Variants in EIF2D observed in about 807,000 individuals in gnomAD.
The protein encoded by EIF2D is eukaryotic translation initiation factor 2D.
EIF2D carries 56 observed loss-of-function variants against 77.4 expected under a neutral mutation model. The observed-to-expected ratio is 0.72, with a 90% confidence interval of 0.58 to 0.90. The LOEUF (loss-of-function observed/expected upper bound fraction) is 0.90. Among genes scored for constraint, EIF2D ranks in the 40% least tolerant of loss-of-function variants. EIF2D has a pLI of 0.00. For synonymous variants in EIF2D, 230 were observed against 271.0 expected (o/e 0.85, Z 1.49); for missense variants, 574 against 706.5 (o/e 0.81, Z 2.13).
chr1:206,577,156 C>CT (rs1668686995), intron 4 of EIF2D, among the ~76,000 whole-genome samples: 2 of 152,088 alleles, frequency 1.3e-5, no homozygotes, highest in Admixed American at 6.6e-5. Context: ...CCAGTAGCTG[C>CT]TTTTGTGCCA....
At chr1:206,598,930 C>A in intron 11 of EIF2D, 73 bp downstream of exon 11, 1 of 1,445,880 alleles carries the variant, frequency 6.9e-7, no homozygotes, top group South Asian at 1.2e-5. Flanking sequence ...CCCAGACATC[C>A]TCCCCAAATG....
At chr1:206,591,600 A>G, downstream of EIF2D, 1 of 645,296 alleles carries the variant, frequency 1.5e-6, no homozygotes, top group Non-Finnish European at 2.7e-6. Context: ...TTCAAAAATT[A>G]GTACATTTTA....
rs782434296 is a variant in EIF2D, at chr1:206,593,788, G to A, written c.1515C>T (p.Thr505=). 69 of 1,597,742 alleles carry A rather than the reference G, an allele frequency of 4.3e-5. No homozygotes were observed. Among genetic ancestry groups the A allele is most frequent in the African/African-American group, 1.3e-4 (10 of 74,608 alleles). Residue 505 remains threonine (T), a synonymous_variant, in exon 14 of 15, where the codon ACC becomes ACT. Coordinates refer to ENST00000271764, the MANE Select transcript of EIF2D (RefSeq NM_006893.3). ...CATAGGCCTCCAAGTTCCGGACCAC[G>A]GTCACCTGGGGGGACAGTGGGGACA... ...LAQRASNKKV[T]VVRNLEAYGL...
intron 14 of EIF2D, 115 bp downstream of exon 14, chr1:206,593,504 A>AGT (rs1476375070): frequency 2.5e-6 from 1 of 404,984 alleles, no homozygotes; most frequent in East Asian, 4.2e-5. Flanking sequence ...AGAGAGAGAG[A>AGT]GAGAGTGTGT....
chr1:206,596,158 C>T (rs1166349932), intron 12 of EIF2D, among the ~76,000 whole-genome samples: 1 of 152,202 alleles, frequency 6.6e-6, no homozygotes, highest in Non-Finnish European at 1.5e-5. Flanking sequence ...CCCAGTCTGC[C>T]CTGTGGAGGC....
intron 12 of EIF2D, 75 bp from the exon 13 acceptor site, chr1:206,595,913 C>CAGTT (rs1472732684): frequency 1.3e-6 from 2 of 1,577,506 alleles, no homozygotes; most frequent in Non-Finnish European, 1.7e-6. Flanking sequence ...TACCAGCAGG[C>CAGTT]AGTTAGGTGT....
downstream of EIF2D, chr1:206,587,013 A>G (rs557794799): frequency 6.2e-7 from 1 of 1,611,522 alleles, no homozygotes; most frequent in South Asian, 1.1e-5. Flanking sequence ...GTGCATTCAG[A>G]TTTATTTGTA....
At chr1:206,612,073 A>G (rs1427949460) in intron 1 of EIF2D, among the ~76,000 whole-genome samples, 1 of 152,176 alleles carries the variant, frequency 6.6e-6, no homozygotes, top group African/African-American at 2.4e-5. Context: ...GTTTTCTTTT[A>G]AACTCACTAG....
At chr1:206,604,066 ATCAG>A (rs1670062613) in intron 5 of EIF2D, among the ~76,000 whole-genome samples, 1 of 152,242 alleles carries the variant, frequency 6.6e-6, no homozygotes, top group Non-Finnish European at 1.5e-5. Context: ...CTAGGAGAAC[ATCAG>A]TCATCAGCCC....
At chr1:206,607,855 A>G (rs925049536) in intron 4 of EIF2D, among the ~76,000 whole-genome samples, 4 of 152,190 alleles carry the variant, frequency 2.6e-5, no homozygotes, top group African/African-American at 4.8e-5. Flanking sequence ...TACTTTGCCA[A>G]TGTTAATTTC....
In EIF2D at chr1:206,592,606, G is replaced by A. The variant is rs1291870600; in HGVS notation, c.1685-761C>T. ...GGAGCTGCCAGAGAGAGCCTGGCAG[G>A]GAAGGCTGGGGTCAGGCTGGGAGGG... is the stretch of plus-strand genomic sequence containing the variant. On this transcript the variant is annotated intron_variant, in intron 14 of 14. Transcript: ENST00000271764. This position sits in a 1 kb window ranked among gnomAD's most constrained non-coding sequence, Gnocchi z 4.7. 6.6e-6 allele frequency among the ~76,000 whole-genome samples: 1 copy of A among 152,212 alleles called. No homozygotes were observed. Among genetic ancestry groups the A allele is most frequent in the Non-Finnish European group, 1.5e-5 (1 of 68,030 alleles).
intron 7 of EIF2D, chr1:206,600,521 C>G: frequency 2.0e-6 from 1 of 511,642 alleles, no homozygotes; most frequent in South Asian, 3.1e-5. Flanking sequence ...TTTCCATAGA[C>G]GTGGAATGTT....
intron 14 of EIF2D, 63 bp downstream of exon 14, chr1:206,593,556 A>T: frequency 9.3e-7 from 1 of 1,072,622 alleles, no homozygotes; most frequent in South Asian, 1.6e-5. Flanking sequence ...ATGCAAGTTG[A>T]GTTGGCAGGA....
chr1:206,593,116 A>AC (rs1669430295), intron 14 of EIF2D, among the ~76,000 whole-genome samples: 1 of 151,772 alleles, frequency 6.6e-6, no homozygotes, highest in Non-Finnish European at 1.5e-5. Context: ...GTTTCAAAAA[A>AC]AAAAAAACTT....
chr1:206,597,142 T>C lies in EIF2D; in HGVS notation c.1346A>G (p.Gln449Arg), dbSNP rs377303536. The C allele has an allele frequency of 1.9e-6, 3 of 1,614,012 alleles. No individual in the cohort carries two copies. Among genetic ancestry groups the C allele is most frequent in the Admixed American group, 3.3e-5 (2 of 60,004 alleles). The stretch of plus-strand genomic sequence containing the variant: ...CCATGGAAGCTTCATGACTGTATGC[T>C]GTTCATTTTTCTCTAAGATGCAGTC... ...LCDCILEKNE[Q>R]HTVMKLPWDS... The change falls in exon 12 of 15, where the codon CAG becomes CGG. Residue 449 changes from glutamine (Q) to arginine (R), a missense_variant. Transcript: ENST00000271764.
At chr1:206,608,745 CT>C (rs1478007951) in intron 3 of EIF2D, among the ~76,000 whole-genome samples, 1 of 152,238 alleles carries the variant, frequency 6.6e-6, no homozygotes, top group Non-Finnish European at 1.5e-5. Context: ...TCCTAACATT[CT>C]TCTGGCATAA....
chr1:206,572,562 GC>G (rs1445536598), intron 5 of EIF2D: 7 of 152,296 alleles, frequency 4.6e-5, no homozygotes, highest in Non-Finnish European at 1.0e-4. Flanking sequence ...AAAACCCTCA[GC>G]CCCAGCACAC....
At chr1:206,581,903 G>A (rs1487052021) in intron 2 of EIF2D, among the ~76,000 whole-genome samples, 1 of 152,044 alleles carries the variant, frequency 6.6e-6, no homozygotes, top group Non-Finnish European at 1.5e-5. Context: ...GTTGTGTTCC[G>A]CGGGGTGGTG....
chr1:206,576,017 A>T (rs1417576242), intron 4 of EIF2D, among the ~76,000 whole-genome samples: 8 of 152,202 alleles, frequency 5.3e-5, no homozygotes, highest in African/African-American at 1.9e-4. Flanking sequence ...ACAGGTATTT[A>T]TCTGACACCT....
Sources: gnomAD v4.1 joint callset for allele counts (sites outside exome capture counted in the v4.1 genomes callset) on GRCh38, gnomAD v4.1.1 for gene constraint, Gnocchi (gnomAD v3.1) non-coding constraint, MANE v1.5 for transcripts, NCBI Gene and HGNC (gene_info 2026-07-23, HGNC 2026-07-21) for gene names.